EIF2D: variants seen among roughly 807,000 people sequenced by gnomAD.
EIF2D encodes the protein eukaryotic translation initiation factor 2D.
Under a neutral mutation model 77.4 loss-of-function variants are expected in EIF2D, and 56 were observed. The observed-to-expected ratio is 0.72, with a 90% confidence interval of 0.58 to 0.90. EIF2D has a LOEUF of 0.90. EIF2D is among the 40% of genes least tolerant of loss of function. The pLI, the probability that EIF2D is intolerant of heterozygous loss-of-function variation, is 0.00. For missense variants in EIF2D, 574 were observed against 706.5 expected, an observed-to-expected ratio of 0.81 and a Z score of 2.13; for synonymous variants, 230 against 271.0, an observed-to-expected ratio of 0.85 and a Z score of 1.49.
At chr1:206,576,516 A>G (rs1668665165) in intron 4 of EIF2D, among the ~76,000 whole-genome samples, 1 of 152,230 alleles carries the variant, frequency 6.6e-6, no homozygotes, top group Admixed American at 6.5e-5. Context: ...ACAAAGGCCC[A>G]TTAACTGGTG....
downstream of EIF2D, among the ~76,000 whole-genome samples, chr1:206,590,606 T>C (rs1553408775): frequency 6.6e-6 from 1 of 152,146 alleles, no homozygotes; most frequent in Non-Finnish European, 1.5e-5. Context: ...ATAGGATTAG[T>C]GAAATTAAGG....
chr1:206,609,452 C>T lies in EIF2D; in HGVS notation c.255G>A (p.Thr85=), dbSNP rs567075839. The change falls in exon 3 of 15, where the codon ACG becomes ACA. Residue 85 remains threonine (T), a synonymous_variant. Transcript: ENST00000271764. The stretch of plus-strand genomic sequence containing the variant: ...GCAGAAGATCAGGATAGGACCACAG[C>T]GTGTACACTGTACAAAAAGAGATCC... ...LEKNLYPTVY[T]LWSYPDLLPT... 14 of 1,613,348 alleles carry T rather than the reference C, an allele frequency of 8.7e-6. No individual in the cohort carries two copies. Among genetic ancestry groups the T allele is most frequent in the South Asian group, 2.2e-5 (2 of 90,858 alleles).
In EIF2D at chr1:206,612,455, C is replaced by G; in HGVS notation, c.-113G>C. 7.1e-7 allele frequency: 1 copy of G among 1,409,228 alleles called. No homozygotes were observed. The allele number at this position is 1,409,228 out of a possible 1,614,324, so 87.3% of individuals were successfully genotyped here. Reference sequence around the variant, plus strand: ...TGGGGGCAGCCATGCTGGGGCCCGGCCGCGAAAAGGGCCCGGCTGGAAACC... The same window carrying G: ...TGGGGGCAGCCATGCTGGGGCCCGGGCGCGAAAAGGGCCCGGCTGGAAACC... On this transcript the variant is annotated 5_prime_UTR_variant, in exon 1 of 15. Coordinates refer to ENST00000271764, the MANE Select transcript of EIF2D (RefSeq NM_006893.3).
chr1:206,584,295 G>A lies in EIF2D; in HGVS notation c.139-3133C>T, dbSNP rs927115874. 5 of 1,262,892 alleles carry A rather than the reference G, an allele frequency of 4.0e-6. No individual in the cohort carries two copies. The highest frequency in any genetic ancestry group is 1.5e-5 in the African/African-American group (1 of 66,786). 78.2% of individuals were successfully genotyped at this position (1,262,892 alleles called of 1,614,324 possible). ...AGGCAGGAAAGAACTCAAGGAGACA[G>A]GTGGGTGCTGCTGGGGCAATGGCCC... On this transcript the variant is annotated intron_variant and NMD_transcript_variant, in intron 2 of 5. Coordinates refer to the EIF2D transcript ENST00000472709. This position sits in a 1 kb window ranked among gnomAD's most constrained non-coding sequence, Gnocchi z 4.9.
intron 4 of EIF2D, among the ~76,000 whole-genome samples, chr1:206,607,974 AAAAAT>A (rs138378401): frequency 5.3e-5 from 8 of 151,568 alleles, no homozygotes; most frequent in Admixed American, 6.6e-5. Flanking sequence ...TGTAAATCTA[AAAAAT>A]AAAATAAAAT....
intron 4 of EIF2D, among the ~76,000 whole-genome samples, chr1:206,578,254 G>GTGTA (rs1668733039): frequency 6.6e-6 from 1 of 151,538 alleles, no homozygotes; most frequent in Non-Finnish European, 1.5e-5. Context: ...GTGTGTGTGT[G>GTGTA]TGTGTGTGTA....
Position 206,612,426 on chromosome 1 carries a change from G to C in EIF2D, c.-84C>G. ...GGGCGCAGCAGCTGCCAGGCCCTCA[G>C]CCGTGGGGGCAGCCATGCTGGGGCC... On this transcript the variant is annotated 5_prime_UTR_variant, in exon 1 of 15. Transcript: ENST00000271764. 1 of 1,562,100 alleles carries C rather than the reference G, an allele frequency of 6.4e-7. No homozygotes were observed. Among genetic ancestry groups the C allele is most frequent in the Non-Finnish European group, 8.8e-7 (1 of 1,134,302 alleles).
chr1:206,579,940 C>T lies in EIF2D; in HGVS notation c.*254+752G>A, dbSNP rs894635313. 6.6e-6 allele frequency among the ~76,000 whole-genome samples: 1 copy of T among 152,228 alleles called. No homozygotes were observed. The highest frequency in any genetic ancestry group is 2.4e-5 in the African/African-American group (1 of 41,448). ...ATATTTTTGTGGGCAGCAGCCATCC[C>T]AGACCTGGGTGCTGGCATTCCATGG... On this transcript the variant is annotated intron_variant and NMD_transcript_variant, in intron 4 of 5. Transcript: ENST00000472709. The surrounding 1 kb of genome is among the most constrained non-coding windows in gnomAD (Gnocchi z 4.2).
In EIF2D at chr1:206,584,400, C is replaced by T. The variant is rs782573550; in HGVS notation, c.139-3238G>A. 1.2e-6 allele frequency: 2 copies of T among 1,612,726 alleles called. No homozygotes were observed. Among genetic ancestry groups the T allele is most frequent in the East Asian group, 2.2e-5 (1 of 44,882 alleles). On this transcript the variant is annotated intron_variant and NMD_transcript_variant, in intron 2 of 5. Transcript: ENST00000472709. This position sits in a 1 kb window ranked among gnomAD's most constrained non-coding sequence, Gnocchi z 4.9. ...CCCCGCTGGCAGAGTGAAGACGGCA[C>T]CTACACGGGTTTCATCAAAGTGCAT...
chr1:206,570,061 C>G (rs114601436), downstream of EIF2D, among the ~76,000 whole-genome samples: 4,988 of 144,856 alleles, frequency 0.034, 104 homozygotes, highest in Admixed American at 0.049. Flanking sequence ...GTAAAATACA[C>G]ATAACATAAA....
At chr1:206,574,639 A>G (rs1553404830) in intron 4 of EIF2D, among the ~76,000 whole-genome samples, 1 of 152,176 alleles carries the variant, frequency 6.6e-6, no homozygotes, top group East Asian at 1.9e-4. Flanking sequence ...CTATTAGGGA[A>G]CACAGTTAAG....
At chr1:206,580,592 G>C (rs1010795201) in intron 4 of EIF2D, 1 of 152,270 alleles carries the variant, frequency 6.6e-6, no homozygotes, top group South Asian at 2.1e-4. Context: ...CCCAAGGGAA[G>C]GGATGAGGAA....
chr1:206,599,585 G>C lies in EIF2D; in HGVS notation c.1080C>G (p.Pro360=). 1 of 1,601,584 alleles carries C rather than the reference G, an allele frequency of 6.2e-7. No individual in the cohort carries two copies. The highest frequency in any genetic ancestry group is 1.1e-5 in the South Asian group (1 of 89,674). The change falls in exon 10 of 15, where the codon CCC becomes CCG. Residue 360 remains proline (P), a synonymous_variant. Transcript: ENST00000271764. The surrounding 1 kb of genome is among the most constrained non-coding windows in gnomAD (Gnocchi z 4.1). ...CCTGGATAGTCTGGGAGGTCGGGGA[G>C]GGCTCGGGTATGACGAAAGATGTAA... ...PRITSFVIPE[P]SPTSQTIQEG... is the part of the protein sequence containing the mutation.
Position 206,609,255 on chromosome 1 carries a change from T to C in EIF2D, c.331+121A>G, listed in dbSNP as rs879951372. 2.8e-5 allele frequency: 26 copies of C among 917,982 alleles called. No individual in the cohort carries two copies. The East Asian group carries it at 4.5e-4, about 16-fold the overall frequency. The allele number at this position is 917,982 out of a possible 1,614,324, so 56.9% of individuals were successfully genotyped here. ...AGCCAAGTGAGAAACATAAAACACA[T>C]AGGGGAAAAAATTCCATTTTTCAAC... is the stretch of plus-strand genomic sequence containing the variant. On this transcript the variant is annotated intron_variant, in intron 3 of 14. Transcript: ENST00000271764.
rs1178379651 is a variant in EIF2D, at chr1:206,599,975, G to A, written c.949-139C>T. ...CCTGCCTTCATCAACCAGGAACTGGGAGGCCCCCAACCTGAGGGCCAGGGA... is the reference window on the plus strand; with the variant it reads ...CCTGCCTTCATCAACCAGGAACTGGAAGGCCCCCAACCTGAGGGCCAGGGA... On this transcript the variant is annotated intron_variant, in intron 8 of 14. Transcript: ENST00000271764. The surrounding 1 kb of genome is among the most constrained non-coding windows in gnomAD (Gnocchi z 4.1). 3.5e-6 allele frequency: 3 copies of A among 856,456 alleles called. No individual in the cohort carries two copies. The highest frequency in any genetic ancestry group is 5.4e-6 in the Non-Finnish European group (3 of 558,404). The allele number at this position is 856,456 out of a possible 1,614,324, so 53.1% of individuals were successfully genotyped here. A position where few individuals can be genotyped will look rare whatever the true frequency, so the allele number is the denominator to read the frequency against.
intron 3 of EIF2D, among the ~76,000 whole-genome samples, chr1:206,609,128 T>C (rs1298705272): frequency 1.3e-5 from 2 of 152,228 alleles, no homozygotes; most frequent in East Asian, 1.9e-4. Flanking sequence ...ATTCAGCTTA[T>C]TGATTTACAG....
Position 206,597,130 on chromosome 1 carries a change from A to G in EIF2D, c.1358T>C (p.Met453Thr), listed in dbSNP as rs1553410297. ...ILEKNEQHTV[M>T]KLPWDSLLTR... ...CAGAAGACTGTCCCATGGAAGCTTC[A>G]TGACTGTATGCTGTTCATTTTTCTC... Residue 453 changes from methionine (M) to threonine (T), a missense_variant, in exon 12 of 15, where the codon ATG (methionine) becomes ACG (threonine). Met to Thr is a moderately conservative substitution (Grantham distance 81, BLOSUM62 -1). Coordinates refer to ENST00000271764, the MANE Select transcript of EIF2D (RefSeq NM_006893.3). 1 of 1,614,120 alleles carries G rather than the reference A, an allele frequency of 6.2e-7. No individual in the cohort carries two copies.
downstream of EIF2D, chr1:206,587,615 C>A (rs1669170374): frequency 6.4e-6 from 1 of 155,184 alleles, no homozygotes; most frequent in Admixed American, 6.4e-5. Context: ...CTGCAGCCTG[C>A]CCTGGCCCTG....
downstream of EIF2D, among the ~76,000 whole-genome samples, chr1:206,589,846 G>T (rs1282499183): frequency 2.0e-5 from 3 of 152,116 alleles, no homozygotes; most frequent in Non-Finnish European, 4.4e-5. Context: ...TGATCACATA[G>T]AATGCAATAC....
Sources: gnomAD v4.1 joint callset for allele counts (sites outside exome capture counted in the v4.1 genomes callset) on GRCh38, gnomAD v4.1.1 for gene constraint, Gnocchi (gnomAD v3.1) non-coding constraint, MANE v1.5 for transcripts, NCBI Gene and HGNC (gene_info 2026-07-23, HGNC 2026-07-21) for gene names.